The following RAD54L2 variants were observed in gnomAD, a reference collection of about 807,000 sequenced individuals.
RAD54L2 encodes helicase ARIP4.
RAD54L2 carries 27 observed loss-of-function variants against 138.4 expected under a neutral mutation model. That is an observed-to-expected ratio of 0.20 (90% CI 0.14 to 0.27). The LOEUF (loss-of-function observed/expected upper bound fraction) is 0.27. Ranked by LOEUF, RAD54L2 falls within the 10% of genes least tolerant of loss-of-function variation. The pLI is 1.00. For synonymous variants in RAD54L2, 644 were observed against 723.2 expected, an observed-to-expected ratio of 0.89 and a Z score of 1.76; for missense variants, 1,396 against 1,890.2, an observed-to-expected ratio of 0.74 and a Z score of 4.85.
intron 2 of RAD54L2, among the ~76,000 whole-genome samples, chr3:51,571,790 A>G (rs1343463055): frequency 1.3e-5 from 2 of 152,130 alleles, no homozygotes; most frequent in Non-Finnish European, 2.9e-5. Flanking sequence ...CTCAAGAATT[A>G]ACATCTATTA....
At chr3:51,628,632 T>C (rs1190295504) in intron 4 of RAD54L2, among the ~76,000 whole-genome samples, 1 of 151,998 alleles carries the variant, frequency 6.6e-6, no homozygotes, top group African/African-American at 2.4e-5. Flanking sequence ...TCAAGTGAAC[T>C]GCCCACCTTC....
At chr3:51,606,946 T>C (rs1700195381) in intron 3 of RAD54L2, among the ~76,000 whole-genome samples, 1 of 151,638 alleles carries the variant, frequency 6.6e-6, no homozygotes, top group Admixed American at 6.6e-5. Context: ...CATCCCAAAG[T>C]GCTGGGATTA....
At chr3:51,659,593 G>C (rs1701704863) in intron 21 of RAD54L2, among the ~76,000 whole-genome samples, 1 of 152,216 alleles carries the variant, frequency 6.6e-6, no homozygotes, top group Non-Finnish European at 1.5e-5. Flanking sequence ...GAAGCAGTAA[G>C]GCTCCTTCCT....
rs890641101 is a variant in RAD54L2, at chr3:51,580,454, C to T, written c.-54-9913C>T. Among the ~76,000 whole-genome samples, 6 of 152,262 alleles carry T rather than the reference C, an allele frequency of 3.9e-5. No homozygotes were observed. The East Asian group carries it at 1.2e-3, about 29-fold the overall frequency. On this transcript the variant is annotated intron_variant, in intron 2 of 22. Transcript: ENST00000684192. ...AGCTCAATTTCCAGCCCCCACAACCCTACTTCTTAGAGTTCAGTGAGTGGG... is the reference window on the plus strand; with the variant it reads ...AGCTCAATTTCCAGCCCCCACAACCTTACTTCTTAGAGTTCAGTGAGTGGG...
At chr3:51,608,554 C>T (rs879367787) in intron 3 of RAD54L2, among the ~76,000 whole-genome samples, 2 of 152,198 alleles carry the variant, frequency 1.3e-5, no homozygotes, top group Non-Finnish European at 2.9e-5. Flanking sequence ...ACTGAGTGAG[C>T]GAGACTCCGT....
Position 51,633,707 on chromosome 3 carries a change from T to A in RAD54L2, c.956T>A (p.Ile319Asn), listed in dbSNP as rs1700905605. The A allele has an allele frequency of 6.2e-7, 1 of 1,613,844 alleles. No individual in the cohort carries two copies. The highest frequency in any genetic ancestry group is 1.3e-5 in the African/African-American group (1 of 74,910). The change falls in exon 8 of 23, where the codon ATC (isoleucine) becomes AAC (asparagine). Residue 319 changes from isoleucine to asparagine, a missense_variant. Transcript: ENST00000684192. The stretch of plus-strand genomic sequence containing the variant: ...AAAACTTTGCAAGTGATCTCTTTCA[T>A]CGACGTCCTCTTCCGCCACACGCCA... ...LGKTLQVISF[I>N]DVLFRHTPAK...
At position 51,637,177 on chromosome 3, in the gene RAD54L2, A is replaced by G. The variant is rs1406878553; in HGVS notation, c.1356A>G (p.Leu452=). 1 of 1,584,022 alleles carries G rather than the reference A, an allele frequency of 6.3e-7. No individual in the cohort carries two copies. Among genetic ancestry groups the G allele is most frequent in the South Asian group, 1.2e-5 (1 of 86,678 alleles). Residue 452 remains leucine, a synonymous_variant, in exon 11 of 23, where the codon TTA becomes TTG. Coordinates refer to ENST00000684192, the MANE Select transcript of RAD54L2 (RefSeq NM_015106.4). This position sits in a 1 kb window ranked among gnomAD's most constrained non-coding sequence, Gnocchi z 5.9. ...QEFRREFEKA[L]CRPGPDVVIC... is the part of the protein sequence containing the mutation. ...CCTCCCTAGAGTTTGAGAAGGCTTT[A>G]TGCCGCCCTGGCCCTGATGTAGTAA...
intron 3 of RAD54L2, among the ~76,000 whole-genome samples, chr3:51,601,165 C>T (rs757960675): frequency 6.6e-6 from 1 of 152,078 alleles, no homozygotes; most frequent in Non-Finnish European, 1.5e-5. Context: ...AACTAATCAC[C>T]ATGCCTGGCT....
At chr3:51,623,548 G>A (rs1316375281) in intron 3 of RAD54L2, among the ~76,000 whole-genome samples, 1 of 152,152 alleles carries the variant, frequency 6.6e-6, no homozygotes, top group African/African-American at 2.4e-5. Context: ...AGAGCTACAG[G>A]ATTTAAAGCC....
chr3:51,611,025 A>G (rs989225528), intron 3 of RAD54L2, among the ~76,000 whole-genome samples: 3 of 152,168 alleles, frequency 2.0e-5, no homozygotes, highest in Non-Finnish European at 2.9e-5. Context: ...TTTTACTCAT[A>G]CTTTGGGAAG....
At chr3:51,594,968 G>A (rs1699930204) in intron 3 of RAD54L2, among the ~76,000 whole-genome samples, 2 of 141,758 alleles carry the variant, frequency 1.4e-5, no homozygotes, top group Admixed American at 1.5e-4. Context: ...AGGTTCAAGC[G>A]ATTCTCCTGC....
At chr3:51,591,224 G>A (rs140397059) in intron 3 of RAD54L2, among the ~76,000 whole-genome samples, 23 of 152,224 alleles carry the variant, frequency 1.5e-4, no homozygotes, top group African/African-American at 5.5e-4. Flanking sequence ...AACTTTTAAT[G>A]TTCAGTCTAA....
chr3:51,637,324 G>A lies in RAD54L2; in HGVS notation c.1503G>A (p.Glu501=). 6.2e-7 allele frequency: 1 copy of A among 1,613,636 alleles called. No individual in the cohort carries two copies. Among genetic ancestry groups the A allele is most frequent in the Non-Finnish European group, 8.5e-7 (1 of 1,179,776 alleles). ...TGYPLQNNLI[E]YWCMVDFVRP... ...ACCCTCTGCAAAACAACCTCATTGA[G>A]TACTGGTGCATGGTGGACTTTGTGC... is the stretch of plus-strand genomic sequence containing the variant. The change falls in exon 11 of 23, where the codon GAG becomes GAA. Residue 501 remains glutamate (E), a synonymous_variant. Coordinates refer to ENST00000684192, the MANE Select transcript of RAD54L2 (RefSeq NM_015106.4). This position sits in a 1 kb window ranked among gnomAD's most constrained non-coding sequence, Gnocchi z 5.9.
rs149989491 is a variant in RAD54L2 at position 51,594,571 on chromosome 3, G to C, written c.139+4012G>C. ...TCTGAGACCATAGATTCTTATAATCGCCTTTCCTGTGATGTGTTTGCTTTC... is the reference window on the plus strand; with the variant it reads ...TCTGAGACCATAGATTCTTATAATCCCCTTTCCTGTGATGTGTTTGCTTTC... On this transcript the variant is annotated intron_variant, in intron 3 of 22. Transcript: ENST00000684192. 3.9e-5 allele frequency among the ~76,000 whole-genome samples: 6 copies of C among 152,164 alleles called. No homozygotes were observed. In the South Asian group the frequency reaches 1.2e-3, roughly 32 times the overall value.
chr3:51,594,193 C>T (rs1405452969), intron 3 of RAD54L2, among the ~76,000 whole-genome samples: 2 of 151,316 alleles, frequency 1.3e-5, no homozygotes, highest in African/African-American at 4.9e-5. Flanking sequence ...ACCTCAGCCT[C>T]CCGAGTAGTA....
intron 3 of RAD54L2, among the ~76,000 whole-genome samples, chr3:51,602,341 C>T (rs2106737861): frequency 6.6e-6 from 1 of 152,240 alleles, no homozygotes; most frequent in Non-Finnish European, 1.5e-5. Context: ...AACTTAGTGG[C>T]ACTTTGGTAA....
chr3:51,584,614 A>G (rs928505133), intron 2 of RAD54L2, among the ~76,000 whole-genome samples: 1 of 148,914 alleles, frequency 6.7e-6, no homozygotes, highest in Non-Finnish European at 1.5e-5. Flanking sequence ...TATACTCCGT[A>G]TAGTACTCTA....
Position 51,663,078 on chromosome 3 carries a change from T to C in RAD54L2, c.4062T>C (p.Ser1354=), listed in dbSNP as rs750786932. ...TDPLVPAGPV[S]SSSTATSVTA... ...CTCTGGTGCCAGCAGGCCCCGTCAG[T>C]TCCTCTTCCACGGCTACCTCAGTCA... Residue 1354 remains serine, a synonymous_variant, in exon 23 of 23, where the codon AGT becomes AGC. Transcript: ENST00000684192. 1.2e-6 allele frequency: 2 copies of C among 1,613,934 alleles called. No homozygotes were observed. The highest frequency in any genetic ancestry group is 1.7e-6 in the Non-Finnish European group (2 of 1,179,868).
chr3:51,665,397 G>A lies in RAD54L2; in HGVS notation c.*1977G>A, dbSNP rs1288087724. 6.6e-6 allele frequency: 1 copy of A among 152,130 alleles called. No homozygotes were observed. The highest frequency in any genetic ancestry group is 1.9e-4 in the East Asian group (1 of 5,184). The allele number at this position is 152,130 out of a possible 1,614,324, so 9.4% of individuals were successfully genotyped here. ...GGGCCTTAGCAGACTCTGGGGTATT[G>A]TCCTCAGAGAAGAGACAAGGAGATG... On this transcript the variant is annotated 3_prime_UTR_variant, in exon 23 of 23. Coordinates refer to ENST00000684192, the MANE Select transcript of RAD54L2 (RefSeq NM_015106.4).
Sources: allele counts gnomAD v4.1 joint callset (sites outside exome capture counted in the v4.1 genomes callset), GRCh38; gene constraint gnomAD v4.1.1; non-coding constraint Gnocchi (gnomAD v3.1); transcripts MANE v1.5; gene names NCBI Gene and HGNC (gene_info 2026-07-23, HGNC 2026-07-21).